The following KCNMA1 variants were observed in gnomAD, a reference collection of about 807,000 sequenced individuals.
KCNMA1 encodes the protein Calcium-activated potassium channel subunit alpha-1.
Under a neutral mutation model 140.0 loss-of-function variants are expected in KCNMA1, and 29 were observed. The ratio of observed to expected loss-of-function variants is 0.21; its 90% confidence interval spans 0.15 to 0.28. The LOEUF (loss-of-function observed/expected upper bound fraction) is 0.28, where lower values mean the gene tolerates loss of function less well. Ranked by LOEUF, KCNMA1 falls within the 10% of genes least tolerant of loss-of-function variation. The probability of loss-of-function intolerance (pLI) is 1.00; values close to 1 mark genes in which losing one functional copy is unlikely to be tolerated. For synonymous variants in KCNMA1, 612 were observed against 611.9 expected (o/e 1.00, Z 0.00); for missense variants, 880 against 1,602.2 (o/e 0.55, Z 7.70).
chr10:77,565,931 C>T (rs1603636949), intron 1 of KCNMA1, among the ~76,000 whole-genome samples: 1 of 152,214 alleles, frequency 6.6e-6, no homozygotes, highest in African/African-American at 2.4e-5. Context: ...ACACACAGAA[C>T]AAGCCAGTGC....
intron 6 of KCNMA1, 28 bp downstream of exon 6, chr10:77,120,945 G>GA (rs768871192): frequency 7.1e-5 from 100 of 1,405,126 alleles, no homozygotes; most frequent in Middle Eastern, 5.4e-4. Context: ...GGACTGGAAT[G>GA]AAAAAAATAT....
chr10:77,110,287 G>A lies in KCNMA1; in HGVS notation c.1017C>T (p.Tyr339=). ...CCATGAGTAAATAGACACATTCCCAGTAGGTGAGAGCCTGGTTGTTTTGGA... is the reference window on the plus strand; with the variant it reads ...CCATGAGTAAATAGACACATTCCCAATAGGTGAGAGCCTGGTTGTTTTGGA... ...ENFQNNQALT[Y]WECVYLLMVT... The change falls in exon 8 of 28, where the codon TAC becomes TAT. Residue 339 remains tyrosine (Y), a synonymous_variant. Transcript: ENST00000286628. 1 of 1,613,944 alleles carries A rather than the reference G, an allele frequency of 6.2e-7. No individual in the cohort carries two copies. Among genetic ancestry groups the A allele is most frequent in the Non-Finnish European group, 8.5e-7 (1 of 1,179,790 alleles).
chr10:77,498,893 G>C (rs2042838812), intron 1 of KCNMA1: 1 of 152,182 alleles, frequency 6.6e-6, no homozygotes, highest in East Asian at 1.9e-4. Context: ...GCTCTGCTGT[G>C]AAACTGGCTG....
At position 77,637,360 on chromosome 10, in the gene KCNMA1, T is replaced by G. The variant is rs762347754; in HGVS notation, c.283A>C (p.Met95Leu). Residue 95 changes from methionine to leucine, a missense_variant, in exon 1 of 28, where the codon ATG (methionine) becomes CTG (leucine). Around this residue, in one of 13 missense-constraint regions of KCNMA1, gnomAD observed 31 missense variants for 75.0 expected, o/e 0.41. Transcript: ENST00000286628. ...AAGAGGCCCCCGAAGAAAGTCACCA[T>G]GGAGGAGGCCAGGAAAGCCCACCAC... is the stretch of plus-strand genomic sequence containing the variant. ...RMWWAFLASS[M>L]VTFFGGLFII... 6.2e-7 allele frequency: 1 copy of G among 1,613,954 alleles called. No homozygotes were observed. Among genetic ancestry groups the G allele is most frequent in the Admixed American group, 1.7e-5 (1 of 60,012 alleles).
At chr10:76,997,295 T>C (rs1202157183) in intron 19 of KCNMA1, among the ~76,000 whole-genome samples, 8 of 152,000 alleles carry the variant, frequency 5.3e-5, no homozygotes, top group Non-Finnish European at 1.2e-4. Flanking sequence ...CATGTGTAAT[T>C]TAAAATTAGC....
intron 19 of KCNMA1, among the ~76,000 whole-genome samples, chr10:76,972,069 A>C (rs938752635): frequency 3.3e-5 from 5 of 152,106 alleles, no homozygotes; most frequent in Non-Finnish European, 4.4e-5. Flanking sequence ...CGTATAAGAC[A>C]AGGTCATCTT....
At chr10:76,984,290 C>G (rs1565364140) in intron 19 of KCNMA1, among the ~76,000 whole-genome samples, 1 of 151,960 alleles carries the variant, frequency 6.6e-6, no homozygotes. Flanking sequence ...GCAACCTCTA[C>G]CTCCCAGTTC....
At chr10:77,261,740 T>C (rs916760115) in intron 2 of KCNMA1, among the ~76,000 whole-genome samples, 1 of 152,292 alleles carries the variant, frequency 6.6e-6, no homozygotes, top group Middle Eastern at 3.4e-3. Flanking sequence ...ACCAATGACA[T>C]TAAAACCGAT....
chr10:77,103,334 A>G lies in KCNMA1; in HGVS notation c.1223+5147T>C, dbSNP rs11002015. Reference sequence around the variant, plus strand: ...GCGGGATACAGGCTCCTGAGGGTGAATATTCCAAGTCAAAGCTATGAAACA... The same window carrying G: ...GCGGGATACAGGCTCCTGAGGGTGAGTATTCCAAGTCAAAGCTATGAAACA... On this transcript the variant is annotated intron_variant, in intron 9 of 27. Coordinates refer to ENST00000286628, the MANE Select transcript of KCNMA1 (RefSeq NM_001161352.2). 1.1e-3 allele frequency among the ~76,000 whole-genome samples: 164 copies of G among 152,334 alleles called. 3 individuals are homozygous for G. In the East Asian group the frequency reaches 0.027, roughly 25 times the overall value.
chr10:76,970,564 G>A (rs1423933462), intron 19 of KCNMA1: 2 of 190,302 alleles, frequency 1.1e-5, no homozygotes, highest in Admixed American at 5.4e-5. Context: ...GAGAAAGAGC[G>A]TTGAAAAGAG....
intron 1 of KCNMA1, among the ~76,000 whole-genome samples, chr10:77,446,439 C>T (rs2097531089): frequency 6.6e-6 from 1 of 152,186 alleles, no homozygotes; most frequent in Non-Finnish European, 1.5e-5. Context: ...GAAGCTGTAC[C>T]CAGATCCTTG....
intron 2 of KCNMA1, among the ~76,000 whole-genome samples, chr10:77,299,480 C>T (rs193118444): frequency 1.3e-3 from 197 of 152,310 alleles, no homozygotes; most frequent in Middle Eastern, 6.8e-3. Context: ...CCCCCTCCAA[C>T]GTGCCTCAAA....
chr10:77,345,728 G>T (rs2091999133), intron 2 of KCNMA1, among the ~76,000 whole-genome samples: 1 of 152,212 alleles, frequency 6.6e-6, no homozygotes. Context: ...TCTGCACCAT[G>T]CAGTTCCCAT....
At chr10:77,043,730 A>G (rs2094871043) in intron 14 of KCNMA1, among the ~76,000 whole-genome samples, 1 of 152,230 alleles carries the variant, frequency 6.6e-6, no homozygotes, top group South Asian at 2.1e-4. Context: ...TAATTGAAAT[A>G]ACCCAATCAA....
At chr10:77,390,603 A>C (rs2095786823) in intron 2 of KCNMA1, among the ~76,000 whole-genome samples, 1 of 152,194 alleles carries the variant, frequency 6.6e-6, no homozygotes, top group African/African-American at 2.4e-5. Flanking sequence ...GAGGCATAAC[A>C]CCAGGCAGAG....
chr10:77,108,232 A>T lies in KCNMA1; in HGVS notation c.1223+249T>A. 2.2e-6 allele frequency: 3 copies of T among 1,355,802 alleles called. No homozygotes were observed. The highest frequency in any genetic ancestry group is 2.9e-6 in the Non-Finnish European group (3 of 1,025,554). The allele number at this position is 1,355,802 out of a possible 1,614,324, so 84.0% of individuals were successfully genotyped here. A position where few individuals can be genotyped will look rare whatever the true frequency, so the allele number is the denominator to read the frequency against. ...GGGGCAGAATTCAGATGGCACCTCC[A>T]CAGGGACTCCTGAAAGTCACTCAAC... On this transcript the variant is annotated intron_variant, in intron 9 of 27. Coordinates refer to ENST00000286628, the MANE Select transcript of KCNMA1 (RefSeq NM_001161352.2). This position sits in a 1 kb window ranked among gnomAD's most constrained non-coding sequence, Gnocchi z 4.6.
intron 2 of KCNMA1, among the ~76,000 whole-genome samples, chr10:77,278,123 G>A (rs1300575579): frequency 6.6e-6 from 1 of 152,124 alleles, no homozygotes; most frequent in Non-Finnish European, 1.5e-5. Context: ...TTTACCCAAT[G>A]TCATTTGCAT....
chr10:77,067,065 T>C (rs1301349966), intron 14 of KCNMA1, among the ~76,000 whole-genome samples: 1 of 152,210 alleles, frequency 6.6e-6, no homozygotes, highest in East Asian at 1.9e-4. Flanking sequence ...TGGGTCACAG[T>C]GTACCCAGAT....
intron 2 of KCNMA1, among the ~76,000 whole-genome samples, chr10:77,312,955 G>A (rs1338722457): frequency 1.3e-5 from 2 of 152,172 alleles, no homozygotes; most frequent in Admixed American, 1.3e-4. Flanking sequence ...ATTACCACAT[G>A]ATTTAAAAAT....
Sources: allele counts gnomAD v4.1 joint callset (sites outside exome capture counted in the v4.1 genomes callset), GRCh38; gene constraint gnomAD v4.1.1; regional missense constraint gnomAD v4.1.1; non-coding constraint Gnocchi (gnomAD v3.1); transcripts MANE v1.5; gene names NCBI Gene and HGNC (gene_info 2026-07-23, HGNC 2026-07-21).